MYO6: variants seen among roughly 807,000 people sequenced by gnomAD.
MYO6 encodes the protein unconventional myosin-VI.
MYO6 carries 74 observed loss-of-function variants against 178.7 expected under a neutral mutation model. The ratio of observed to expected loss-of-function variants is 0.41; its 90% CI spans 0.34 to 0.50. MYO6 has a LOEUF of 0.50. Ranked by LOEUF, MYO6 falls within the 20% of genes least tolerant of loss-of-function variation. The pLI is 0.09. For missense variants in MYO6, 1,330 were observed against 1,547.4 expected, an observed-to-expected ratio of 0.86 and a Z score of 2.36; for synonymous variants, 477 against 504.6, an observed-to-expected ratio of 0.95 and a Z score of 0.73.
At chr6:75,778,925 T>C (rs2842547) in intron 1 of MYO6, among the ~76,000 whole-genome samples, 116,697 of 151,402 alleles carry the variant, frequency 0.77, 46,193 homozygotes, top group East Asian at 0.95. Context: ...GGTATGGTGG[T>C]GCATGCCTGT....
intron 1 of MYO6, among the ~76,000 whole-genome samples, chr6:75,779,410 G>A (rs1447703131): frequency 6.6e-6 from 1 of 152,040 alleles, no homozygotes; most frequent in Non-Finnish European, 1.5e-5. Context: ...GCTGAGGCAG[G>A]AGAATTGCTT....
At chr6:75,765,452 C>T (rs919982344) in intron 1 of MYO6, among the ~76,000 whole-genome samples, 1 of 152,064 alleles carries the variant, frequency 6.6e-6, no homozygotes, top group African/African-American at 2.4e-5. Context: ...GTTGGGATTA[C>T]AGGCATGAGC....
intron 1 of MYO6, among the ~76,000 whole-genome samples, chr6:75,762,915 T>A (rs1490881001): frequency 6.6e-6 from 1 of 152,024 alleles, no homozygotes; most frequent in East Asian, 1.9e-4. Flanking sequence ...GAGATAGGGG[T>A]CTTACTGTGT....
chr6:75,782,909 C>CT (rs397888755), intron 1 of MYO6, among the ~76,000 whole-genome samples: 1,229 of 117,908 alleles, frequency 0.01, 12 homozygotes, highest in African/African-American at 0.012. Flanking sequence ...AGCTAGTTAG[C>CT]TTTTTTTTTT....
chr6:75,839,463 C>T (rs973169902), intron 7 of MYO6, among the ~76,000 whole-genome samples: 5 of 152,182 alleles, frequency 3.3e-5, no homozygotes, highest in African/African-American at 1.2e-4. Context: ...GCTGGGATTA[C>T]AGGCATGAGC....
rs146419641 is a variant in MYO6, at chr6:75,914,152, C to T, written c.3529C>T (p.Arg1177Cys). The T allele has an allele frequency of 1.1e-4, 183 of 1,614,064 alleles. No homozygotes were observed. The African/African-American group carries it at 1.9e-3, about 17-fold the overall frequency. ...ACGCTTCTTCCGCATCCCATTCATC[C>T]GCCCTGCCGACCAGTACAAAGACCC... ...QQRFFRIPFI[R>C]PADQYKDPQS... is the part of the protein sequence containing the mutation. Residue 1177 changes from arginine (R) to cysteine (C), a missense_variant, in exon 34 of 35, where the codon CGC becomes TGC. Transcript: ENST00000369977.
chr6:75,890,838 A>T (rs1047099020), intron 26 of MYO6, among the ~76,000 whole-genome samples: 1 of 152,188 alleles, frequency 6.6e-6, no homozygotes, highest in African/African-American at 2.4e-5. Context: ...TCTAAGCTAG[A>T]TAAATGACAC....
At chr6:75,767,362 A>G (rs73460946) in intron 1 of MYO6, among the ~76,000 whole-genome samples, 84 of 152,138 alleles carry the variant, frequency 5.5e-4, no homozygotes, top group African/African-American at 2.0e-3. Context: ...CCTGTCTTTA[A>G]GTGAGACACT....
At chr6:75,830,573 C>A in intron 5 of MYO6, 28 bp downstream of exon 5, 3 of 1,594,596 alleles carry the variant, frequency 1.9e-6, no homozygotes, top group African/African-American at 1.3e-5. Flanking sequence ...TATTTTAATT[C>A]TTGTCTTTCT....
In MYO6 at chr6:75,774,416, G is replaced by A. The variant is rs58431734; in HGVS notation, c.-48+24993G>A. 3.1e-3 allele frequency among the ~76,000 whole-genome samples: 476 copies of A among 152,170 alleles called. 2 individuals carry two copies. Among genetic ancestry groups the A allele is most frequent in the African/African-American group, 0.01 (434 of 41,546 alleles). On this transcript the variant is annotated intron_variant, in intron 1 of 34. Transcript: ENST00000369977. ...ATAAAGTTATCTTTACTTTTGACAT[G>A]TTCTTTTCATGCATTTCTGTCTTTC...
At chr6:75,905,514 G>A (rs912722872) in intron 30 of MYO6, among the ~76,000 whole-genome samples, 1 of 152,238 alleles carries the variant, frequency 6.6e-6, no homozygotes, top group Admixed American at 6.5e-5. Context: ...TCTTTGACTA[G>A]GAAAGGGAAC....
chr6:75,780,367 A>C (rs938594145), intron 1 of MYO6, among the ~76,000 whole-genome samples: 1 of 152,206 alleles, frequency 6.6e-6, no homozygotes, highest in Non-Finnish European at 1.5e-5. Context: ...ACTGTAACCC[A>C]GGAGGCGGAG....
intron 16 of MYO6, among the ~76,000 whole-genome samples, chr6:75,864,094 C>G (rs1450872057): frequency 6.6e-6 from 1 of 152,030 alleles, no homozygotes; most frequent in East Asian, 1.9e-4. Context: ...CAACAACAAA[C>G]AGGAGAGTGA....
chr6:75,835,810 C>T, intron 6 of MYO6, 91 bp from the exon 7 acceptor site: 3 of 740,224 alleles, frequency 4.1e-6, no homozygotes, highest in Non-Finnish European at 7.3e-6. Context: ...TAATGATGAT[C>T]TAGGTTTCAG....
chr6:75,809,510 G>A (rs1169759529), intron 1 of MYO6, among the ~76,000 whole-genome samples: 2 of 152,182 alleles, frequency 1.3e-5, no homozygotes, highest in Non-Finnish European at 2.9e-5. Flanking sequence ...TCCTGAGAAA[G>A]TGTGTGTGAG....
At chr6:75,817,236 C>T (rs938745917) in intron 1 of MYO6, among the ~76,000 whole-genome samples, 5 of 147,538 alleles carry the variant, frequency 3.4e-5, no homozygotes, top group East Asian at 2.0e-4. Context: ...TCCTGGGAGG[C>T]GGAGCTTGCA....
chr6:75,897,660 GA>G (rs1374075169), intron 29 of MYO6, among the ~76,000 whole-genome samples: 1 of 152,144 alleles, frequency 6.6e-6, no homozygotes, highest in African/African-American at 2.4e-5. Context: ...AATTACGAAG[GA>G]AAAGAGCAAA....
chr6:75,790,723 A>G (rs1295277089), intron 1 of MYO6, among the ~76,000 whole-genome samples: 1 of 152,168 alleles, frequency 6.6e-6, no homozygotes, highest in Non-Finnish European at 1.5e-5. Flanking sequence ...AAGAATGATA[A>G]CATCTCATTT....
At chr6:75,835,855 C>A in intron 6 of MYO6, 46 bp from the exon 7 acceptor site, 6 of 1,072,106 alleles carry the variant, frequency 5.6e-6, no homozygotes, top group Non-Finnish European at 8.7e-6. Context: ...AATTATTGTA[C>A]ACCATATTAT....
Sources: allele counts gnomAD v4.1 joint callset (sites outside exome capture counted in the v4.1 genomes callset), GRCh38; gene constraint gnomAD v4.1.1; transcripts MANE v1.5; gene names NCBI Gene and HGNC (gene_info 2026-07-23, HGNC 2026-07-21).